Variants in CACHD1 observed in about 807,000 individuals in gnomAD.
The protein encoded by CACHD1 is cache domain containing 1, also known as VWFA and cache domain-containing protein 1.
Under a neutral mutation model 138.7 loss-of-function variants are expected in CACHD1, and 71 were observed. The ratio of observed to expected loss-of-function variants is 0.51; its 90% CI spans 0.42 to 0.62. CACHD1 has a LOEUF of 0.62. CACHD1 is among the 20% of genes least tolerant of loss of function. The pLI, the probability that CACHD1 is intolerant of heterozygous loss-of-function variation, is 0.00. For synonymous variants in CACHD1, 578 were observed against 591.5 expected (o/e 0.98, Z 0.33); for missense variants, 1,389 against 1,625.3 (o/e 0.85, Z 2.50).
At chr1:64,663,556 A>G in intron 13 of CACHD1, 139 bp from the exon 14 acceptor site, 2 of 1,171,106 alleles carry the variant, frequency 1.7e-6, no homozygotes, top group South Asian at 1.5e-5. Context: ...ATCTGAAAAA[A>G]AAAAAAAAAG....
intron 1 of CACHD1, among the ~76,000 whole-genome samples, chr1:64,526,532 A>G (rs973695465): frequency 1.3e-5 from 2 of 152,244 alleles, no homozygotes; most frequent in East Asian, 1.9e-4. Flanking sequence ...TGATTGCTCC[A>G]TAACAGGGTT....
intron 2 of CACHD1, among the ~76,000 whole-genome samples, chr1:64,581,741 C>T (rs181507297): frequency 8.5e-5 from 13 of 152,238 alleles, no homozygotes; most frequent in Admixed American, 5.2e-4. Context: ...CTTGAAAAAC[C>T]GTGAACCCAG....
intron 1 of CACHD1, among the ~76,000 whole-genome samples, chr1:64,508,725 T>C (rs1187581345): frequency 2.0e-5 from 3 of 152,176 alleles, no homozygotes; most frequent in Non-Finnish European, 4.4e-5. Flanking sequence ...GATAGAGACG[T>C]AGTGCATTTA....
chr1:64,588,420 C>CT (rs149322683), intron 3 of CACHD1, among the ~76,000 whole-genome samples: 2,296 of 145,036 alleles, frequency 0.016, 51 homozygotes, highest in African/African-American at 0.047. Context: ...CAAATCAATA[C>CT]TTTTTTTTTT....
rs1410451392 is a variant in CACHD1 at position 64,681,295 on chromosome 1, A to G, written c.3444A>G (p.Arg1148=). The G allele has an allele frequency of 2.5e-6, 4 of 1,614,028 alleles. No homozygotes were observed. The highest frequency in any genetic ancestry group is 3.4e-6 in the Non-Finnish European group (4 of 1,179,882). The change falls in exon 25 of 27, where the codon AGA becomes AGG. Residue 1148 remains arginine (R), a synonymous_variant. Transcript: ENST00000651257. ...GTATGTCCAACCTGGAGAATGACAG[A>G]GATGAAAGGGACGACGACAGCCACG... ...SVRMSNLEND[R]DERDDDSHED...
chr1:64,643,330 C>T (rs1648790773), intron 8 of CACHD1, among the ~76,000 whole-genome samples: 1 of 152,206 alleles, frequency 6.6e-6, no homozygotes, highest in Admixed American at 6.5e-5. Flanking sequence ...CTAGACCACA[C>T]TTGAGAGAAC....
intron 1 of CACHD1, among the ~76,000 whole-genome samples, chr1:64,523,418 T>A (rs1466472787): frequency 6.6e-6 from 1 of 152,228 alleles, no homozygotes; most frequent in Non-Finnish European, 1.5e-5. Context: ...TTGAGTGGCA[T>A]CTCCATTTGG....
chr1:64,530,752 TC>T, intron 1 of CACHD1, among the ~76,000 whole-genome samples: 1 of 151,722 alleles, frequency 6.6e-6, no homozygotes, highest in Non-Finnish European at 1.5e-5. Flanking sequence ...ACACCTGTAA[TC>T]CCAGCTACTT....
In CACHD1 at chr1:64,525,257, C is replaced by G. The variant is rs377118315; in HGVS notation, c.199-25337C>G. 1.1e-4 allele frequency among the ~76,000 whole-genome samples: 16 copies of G among 152,234 alleles called. 6 individuals are homozygous for G. On this transcript the variant is annotated intron_variant, in intron 1 of 26. Coordinates refer to ENST00000651257, the MANE Select transcript of CACHD1 (RefSeq NM_020925.4). ...AGAATGACATTGAGAAATTAGTACT[C>G]AAGATCAGAGACAGGAAATAAAAAT...
intron 24 of CACHD1, among the ~76,000 whole-genome samples, chr1:64,680,930 A>G (rs1650152771): frequency 6.6e-6 from 1 of 152,196 alleles, no homozygotes; most frequent in African/African-American, 2.4e-5. Flanking sequence ...CATTTCACCA[A>G]CACAGTCAGT....
chr1:64,560,429 T>G (rs1406768000), intron 2 of CACHD1, among the ~76,000 whole-genome samples: 2 of 152,130 alleles, frequency 1.3e-5, no homozygotes. Flanking sequence ...TTACATATTT[T>G]CTGATTTCTC....
chr1:64,584,775 G>A (rs928938131), intron 3 of CACHD1, among the ~76,000 whole-genome samples: 4 of 152,070 alleles, frequency 2.6e-5, no homozygotes, highest in Non-Finnish European at 4.4e-5. Flanking sequence ...AATCTGAATT[G>A]ATTTAAATTG....
At chr1:64,579,592 T>C (rs1457200884) in intron 2 of CACHD1, among the ~76,000 whole-genome samples, 1 of 152,136 alleles carries the variant, frequency 6.6e-6, no homozygotes, top group Non-Finnish European at 1.5e-5. Context: ...TTATCAGAAG[T>C]CAGGACCTAC....
intron 17 of CACHD1, among the ~76,000 whole-genome samples, chr1:64,672,803 T>A (rs547574417): frequency 9.8e-5 from 15 of 152,302 alleles, no homozygotes; most frequent in African/African-American, 3.6e-4. Context: ...CTACTTCCTT[T>A]AGGATCTGCT....
chr1:64,552,822 C>T (rs1208736624), intron 2 of CACHD1, among the ~76,000 whole-genome samples: 1 of 152,178 alleles, frequency 6.6e-6, no homozygotes, highest in Non-Finnish European at 1.5e-5. Context: ...TTTTAAAATA[C>T]ATGTTTTCAT....
intron 1 of CACHD1, among the ~76,000 whole-genome samples, chr1:64,478,838 G>A (rs940961009): frequency 2.6e-5 from 4 of 152,140 alleles, no homozygotes; most frequent in Non-Finnish European, 5.9e-5. Context: ...GGGTGAAGGG[G>A]GGCAGGACCA....
At chr1:64,639,439 G>A (rs557170383) in intron 7 of CACHD1, among the ~76,000 whole-genome samples, 112 of 152,240 alleles carry the variant, frequency 7.4e-4, no homozygotes, top group Non-Finnish European at 1.5e-3. Flanking sequence ...TTTTCTTTTT[G>A]CATCAGCATT....
intron 4 of CACHD1, among the ~76,000 whole-genome samples, chr1:64,616,476 A>T (rs1647710843): frequency 6.6e-6 from 1 of 152,196 alleles, no homozygotes. Flanking sequence ...TGGGTCTTTT[A>T]AAAATGGTAA....
intron 16 of CACHD1, among the ~76,000 whole-genome samples, chr1:64,666,469 G>A (rs768177183): frequency 6.6e-6 from 1 of 152,166 alleles, no homozygotes; most frequent in African/African-American, 2.4e-5. Flanking sequence ...AGATGTTGGA[G>A]TCTAAAGAGC....
Sources: gnomAD v4.1 joint callset for allele counts (sites outside exome capture counted in the v4.1 genomes callset) on GRCh38, gnomAD v4.1.1 for gene constraint, MANE v1.5 for transcripts, NCBI Gene and HGNC (gene_info 2026-07-23, HGNC 2026-07-21) for gene names.